BNC2: variants seen among roughly 807,000 people sequenced by gnomAD.
BNC2 encodes the protein basonuclin zinc finger protein 2.
Under a neutral mutation model 76.3 loss-of-function variants are expected in BNC2, and 20 were observed. The ratio of observed to expected loss-of-function variants is 0.26; its 90% CI spans 0.18 to 0.38. The LOEUF (loss-of-function observed/expected upper bound fraction) is 0.38. Ranked by LOEUF, BNC2 falls within the 10% of genes least tolerant of loss-of-function variation. BNC2 has a pLI of 1.00. For synonymous variants in BNC2, 582 were observed against 514.8 expected, an observed-to-expected ratio of 1.13 and a Z score of -1.77; for missense variants, 1,382 against 1,399.8, an observed-to-expected ratio of 0.99 and a Z score of 0.20.
chr9:16,869,436 C>T (rs1819622295), intron 1 of BNC2, among the ~76,000 whole-genome samples: 1 of 152,112 alleles, frequency 6.6e-6, no homozygotes, highest in Admixed American at 6.6e-5. Context: ...TGTGTGTACG[C>T]GCCCCTGCAT....
At chr9:16,704,395 C>G (rs1823599592) in intron 3 of BNC2, among the ~76,000 whole-genome samples, 1 of 151,952 alleles carries the variant, frequency 6.6e-6, no homozygotes, top group Non-Finnish European at 1.5e-5. Flanking sequence ...TCCTAAAAAC[C>G]TGAAGATGCT....
At chr9:16,431,053 TGAG>T (rs1820898565) in intron 6 of BNC2, among the ~76,000 whole-genome samples, 1 of 152,134 alleles carries the variant, frequency 6.6e-6, no homozygotes, top group Admixed American at 6.5e-5. Flanking sequence ...GCCACTACTC[TGAG>T]AAGAAGAAAG....
intron 3 of BNC2, among the ~76,000 whole-genome samples, chr9:16,606,345 A>T (rs1052522628): frequency 6.6e-6 from 1 of 152,100 alleles, no homozygotes; most frequent in African/African-American, 2.4e-5. Flanking sequence ...ATATATAGGC[A>T]TTCAATTTTA....
rs368856121 is a variant in BNC2 at position 16,551,911 on chromosome 9, A to C, written c.669+619T>G. Among the ~76,000 whole-genome samples, 6 of 152,294 alleles carry C rather than the reference A, an allele frequency of 3.9e-5. No individual in the cohort carries two copies. In the East Asian group the frequency reaches 1.2e-3, roughly 29 times the overall value. ...GAAGTGCCATTGACACAAAGGAGAC[A>C]CTCAAGGCTGGAAGAACAGGTTCTG... On this transcript the variant is annotated intron_variant, in intron 5 of 6. Coordinates refer to ENST00000380672, the MANE Select transcript of BNC2 (RefSeq NM_017637.6).
chr9:16,504,576 A>C (rs1016735911), intron 5 of BNC2, among the ~76,000 whole-genome samples: 2 of 152,224 alleles, frequency 1.3e-5, no homozygotes, highest in African/African-American at 4.8e-5. Context: ...ACTGGAGATC[A>C]GTCAAGATTT....
chr9:16,519,670 A>C (rs1817554228), intron 5 of BNC2, among the ~76,000 whole-genome samples: 1 of 152,232 alleles, frequency 6.6e-6, no homozygotes, highest in South Asian at 2.1e-4. Context: ...TGGAGTTCTC[A>C]TTAGGTACTA....
chr9:16,597,143 A>G (rs1035160697), intron 3 of BNC2, among the ~76,000 whole-genome samples: 7 of 152,140 alleles, frequency 4.6e-5, no homozygotes, highest in Non-Finnish European at 7.4e-5. Context: ...CTTTTACACA[A>G]GGGAAAGAAA....
At chr9:16,447,608 T>G (rs549803231) in intron 5 of BNC2, among the ~76,000 whole-genome samples, 21 of 152,240 alleles carry the variant, frequency 1.4e-4, no homozygotes, top group African/African-American at 4.8e-4. Flanking sequence ...TTGTCAGTGA[T>G]GTGATTACAG....
intron 1 of BNC2, among the ~76,000 whole-genome samples, chr9:16,789,881 A>C (rs574095185): frequency 6.6e-6 from 1 of 152,322 alleles, no homozygotes; most frequent in Admixed American, 6.5e-5. Context: ...TGGCCTGTCC[A>C]CTTTGTTGGT....
chr9:16,784,692 T>C (rs1826236204), intron 1 of BNC2, among the ~76,000 whole-genome samples: 1 of 152,114 alleles, frequency 6.6e-6, no homozygotes, highest in Admixed American at 6.5e-5. Flanking sequence ...ATCACTAGAG[T>C]ATCCTAGAGA....
intron 3 of BNC2, chr9:16,704,856 C>T (rs1823619103): frequency 6.6e-6 from 1 of 152,652 alleles, no homozygotes; most frequent in Non-Finnish European, 1.5e-5. Flanking sequence ...GGGACAGGGA[C>T]GGAGGCCAGG....
At chr9:16,649,470 C>T (rs1294547514) in intron 3 of BNC2, among the ~76,000 whole-genome samples, 1 of 152,048 alleles carries the variant, frequency 6.6e-6, no homozygotes, top group South Asian at 2.1e-4. Context: ...TCACTAAACT[C>T]AGAGGAAAAG....
intron 3 of BNC2, among the ~76,000 whole-genome samples, chr9:16,649,930 T>G (rs1280932700): frequency 6.6e-6 from 1 of 152,152 alleles, no homozygotes; most frequent in African/African-American, 2.4e-5. Flanking sequence ...TCTGTAATCT[T>G]GCATTTTCAA....
chr9:16,833,897 C>T (rs951055204), intron 1 of BNC2, among the ~76,000 whole-genome samples: 2 of 152,156 alleles, frequency 1.3e-5, no homozygotes, highest in Non-Finnish European at 2.9e-5. Flanking sequence ...TAGGTTCTCT[C>T]GGAACCAATT....
chr9:16,599,199 T>C (rs1322967715), intron 3 of BNC2, among the ~76,000 whole-genome samples: 20 of 152,230 alleles, frequency 1.3e-4, no homozygotes, highest in Admixed American at 1.3e-3. Context: ...ATATGCTTCC[T>C]GCCTACAAAT....
At chr9:16,557,577 A>C (rs1241571103) in intron 4 of BNC2, among the ~76,000 whole-genome samples, 1 of 152,072 alleles carries the variant, frequency 6.6e-6, no homozygotes, top group Admixed American at 6.6e-5. Flanking sequence ...ATAAAAGTGA[A>C]GCTGTTCTAG....
At chr9:16,655,396 C>T (rs149385857) in intron 3 of BNC2, among the ~76,000 whole-genome samples, 4 of 152,154 alleles carry the variant, frequency 2.6e-5, no homozygotes, top group South Asian at 4.2e-4. Context: ...ACCTGCAGGC[C>T]GCATCTGCCG....
chr9:16,418,916 G>T lies in BNC2; in HGVS notation c.*73C>A. The T allele has an allele frequency of 6.9e-7, 1 of 1,445,668 alleles. No homozygotes were observed. Among genetic ancestry groups the T allele is most frequent in the Non-Finnish European group, 9.6e-7 (1 of 1,044,456 alleles). The allele number at this position is 1,445,668 out of a possible 1,614,324, so 89.6% of individuals were successfully genotyped here. A position where few individuals can be genotyped will look rare whatever the true frequency, so the allele number is the denominator to read the frequency against. ...ACACACACACCCCAAGTACATAAGC[G>T]CACACTGACTATGGCAGTTCAAACA... On this transcript the variant is annotated 3_prime_UTR_variant, in exon 7 of 7. Transcript: ENST00000380672.
intron 3 of BNC2, among the ~76,000 whole-genome samples, chr9:16,591,998 C>T (rs987577479): frequency 6.6e-6 from 1 of 152,090 alleles, no homozygotes; most frequent in African/African-American, 2.4e-5. Context: ...ACAGGAGATT[C>T]GCAAGAGCCT....
Sources: gnomAD v4.1 joint callset for allele counts (sites outside exome capture counted in the v4.1 genomes callset) on GRCh38, gnomAD v4.1.1 for gene constraint, MANE v1.5 for transcripts, NCBI Gene and HGNC (gene_info 2026-07-23, HGNC 2026-07-21) for gene names.